NR2C2: variants seen among roughly 807,000 people sequenced by gnomAD.
NR2C2 encodes Nuclear hormone receptor TR4.
A neutral mutation model predicts 62.9 loss-of-function variants in NR2C2; 6 were observed. The observed-to-expected ratio is 0.10, with a 90% CI of 0.05 to 0.19. The LOEUF (loss-of-function observed/expected upper bound fraction) is 0.19, where lower values mean the gene tolerates loss of function less well. Ranked by LOEUF, NR2C2 falls within the 10% of genes least tolerant of loss-of-function variation. The probability of loss-of-function intolerance (pLI) is 1.00; values close to 1 mark genes in which losing one functional copy is unlikely to be tolerated. For synonymous variants in NR2C2, 272 were observed against 273.8 expected (o/e 0.99, Z 0.07); for missense variants, 479 against 762.7 (o/e 0.63, Z 4.38).
At chr3:14,982,107 C>T (rs1334934225) in intron 1 of NR2C2, among the ~76,000 whole-genome samples, 1 of 152,182 alleles carries the variant, frequency 6.6e-6, no homozygotes, top group Non-Finnish European at 1.5e-5. Context: ...CACACTGTCG[C>T]CCAGGCTATA....
intron 1 of NR2C2, among the ~76,000 whole-genome samples, chr3:14,954,894 G>A (rs573128873): frequency 2.0e-3 from 300 of 152,246 alleles, no homozygotes; most frequent in African/African-American, 6.9e-3. Flanking sequence ...GCAGTGGTAC[G>A]ATCTTGGTTC....
At chr3:15,036,082 C>T (rs1171570232) in intron 11 of NR2C2, among the ~76,000 whole-genome samples, 5 of 149,860 alleles carry the variant, frequency 3.3e-5, no homozygotes, top group East Asian at 2.0e-4. Context: ...TCCAGCTACT[C>T]GGGAGGCTGA....
In NR2C2 at chr3:14,958,525, G is replaced by A. The variant is rs539025859; in HGVS notation, c.-40+10619G>A. ...GAGCGAGTTTAGTGTTCTGTCCACA[G>A]TGGTTGTTAATATAATGCCTTGTGT... On this transcript the variant is annotated intron_variant, in intron 1 of 13. Coordinates refer to ENST00000425241, the MANE Select transcript of NR2C2 (RefSeq NM_001291694.2). Among the ~76,000 whole-genome samples, 6 of 152,284 alleles carry A rather than the reference G, an allele frequency of 3.9e-5. No homozygotes were observed. The South Asian group carries it at 8.3e-4, about 21-fold the overall frequency.
intron 1 of NR2C2, among the ~76,000 whole-genome samples, chr3:14,978,398 A>C (rs952866228): frequency 6.6e-6 from 1 of 152,234 alleles, no homozygotes; most frequent in African/African-American, 2.4e-5. Context: ...TATCTCATGT[A>C]GCATGCTAGT....
intron 1 of NR2C2, among the ~76,000 whole-genome samples, chr3:14,997,060 C>T (rs945196277): frequency 1.3e-5 from 2 of 152,224 alleles, no homozygotes; most frequent in African/African-American, 4.8e-5. Flanking sequence ...ATGTGAACCA[C>T]ATAATGACGG....
intron 1 of NR2C2, among the ~76,000 whole-genome samples, chr3:14,989,961 GT>G: frequency 6.6e-6 from 1 of 150,764 alleles, no homozygotes; most frequent in African/African-American, 2.4e-5. Flanking sequence ...AAATTACTGG[GT>G]GTGGTGGCAC....
chr3:15,008,552 C>T (rs2041257018), intron 2 of NR2C2, among the ~76,000 whole-genome samples: 1 of 151,728 alleles, frequency 6.6e-6, no homozygotes, highest in Non-Finnish European at 1.5e-5. Context: ...ACTTTGGGTA[C>T]TCAAACAAAA....
chr3:14,961,019 T>C (rs1232379016), intron 1 of NR2C2, among the ~76,000 whole-genome samples: 3 of 152,336 alleles, frequency 2.0e-5, no homozygotes, highest in East Asian at 1.9e-4. Flanking sequence ...AATAAACTTA[T>C]CTCCTCAGTT....
intron 8 of NR2C2, among the ~76,000 whole-genome samples, chr3:15,030,024 C>T (rs571876836): frequency 3.9e-4 from 59 of 151,926 alleles, no homozygotes; most frequent in Non-Finnish European, 7.4e-4. Context: ...GTAGATAATA[C>T]ATACAAGTTT....
chr3:15,000,418 T>TGATG (rs955885316), intron 1 of NR2C2, among the ~76,000 whole-genome samples: 23 of 152,324 alleles, frequency 1.5e-4, no homozygotes, highest in African/African-American at 5.3e-4. Context: ...ATTCATCTAT[T>TGATG]GATGGACTTG....
chr3:14,990,690 G>A (rs2040645194), intron 1 of NR2C2, among the ~76,000 whole-genome samples: 1 of 152,210 alleles, frequency 6.6e-6, no homozygotes, highest in South Asian at 2.1e-4. Context: ...GGCATGGTAA[G>A]TGTGAGTGTC....
intron 1 of NR2C2, among the ~76,000 whole-genome samples, chr3:14,967,022 C>T (rs896351168): frequency 6.6e-6 from 1 of 152,172 alleles, no homozygotes; most frequent in Admixed American, 6.5e-5. Flanking sequence ...TTTTGGATTA[C>T]TAATTCAGTC....
chr3:14,953,335 A>G (rs188162878), intron 1 of NR2C2, among the ~76,000 whole-genome samples: 14 of 152,320 alleles, frequency 9.2e-5, no homozygotes, highest in Non-Finnish European at 5.9e-5. Flanking sequence ...GAGGAATTTC[A>G]TTCCAAGTGC....
intron 1 of NR2C2, among the ~76,000 whole-genome samples, chr3:14,984,843 T>A (rs2040472395): frequency 1.3e-5 from 2 of 151,958 alleles, no homozygotes; most frequent in Admixed American, 6.6e-5. Flanking sequence ...TTTTTTTTTT[T>A]AAAGAGACTG....
chr3:15,032,565 G>C, intron 10 of NR2C2, 65 bp downstream of exon 10: 2 of 1,599,202 alleles, frequency 1.3e-6, no homozygotes, highest in Non-Finnish European at 1.7e-6. Context: ...GGAATGACCT[G>C]GAAGAACTCT....
At chr3:14,971,407 C>T (rs1319875445) in intron 1 of NR2C2, among the ~76,000 whole-genome samples, 1 of 151,700 alleles carries the variant, frequency 6.6e-6, no homozygotes, top group Non-Finnish European at 1.5e-5. Context: ...CATAAGCCAC[C>T]GTGCCTAGTC....
In NR2C2 at chr3:15,030,268, C is replaced by T. The variant is rs373483305; in HGVS notation, c.933-7C>T. On this transcript the variant is annotated splice_region_variant and splice_polypyrimidine_tract_variant and intron_variant, in intron 8 of 13. Transcript: ENST00000425241. ...ACAACAATTACATGCTTCATTTTTG[C>T]TCACAGGGCATTTGATACCTTAGCT... 9 of 1,605,148 alleles carry T rather than the reference C, an allele frequency of 5.6e-6. No individual in the cohort carries two copies. The highest frequency in any genetic ancestry group is 5.9e-6 in the Non-Finnish European group (7 of 1,177,070).
chr3:14,947,961 T>TGGCGCGCGGACATGGA (rs1192777924), intron 1 of NR2C2, 55 bp downstream of exon 1: 2 of 150,216 alleles, frequency 1.3e-5, no homozygotes, highest in African/African-American at 2.5e-5. Flanking sequence ...GGGGCGGGCC[T>TGGCGCGCGGACATGGA]GGCGCGCGGA....
At chr3:14,991,635 C>A (rs1424285680) in intron 1 of NR2C2, among the ~76,000 whole-genome samples, 1 of 152,134 alleles carries the variant, frequency 6.6e-6, no homozygotes, top group Non-Finnish European at 1.5e-5. Context: ...ATTAGTAACC[C>A]ATGAGAATTT....
Sources: gnomAD v4.1 joint callset for allele counts (sites outside exome capture counted in the v4.1 genomes callset) on GRCh38, gnomAD v4.1.1 for gene constraint, MANE v1.5 for transcripts, NCBI Gene and HGNC (gene_info 2026-07-23, HGNC 2026-07-21) for gene names.